PATJ: variants seen among roughly 807,000 people sequenced by gnomAD.
PATJ encodes the protein inaD-like protein.
PATJ carries 190 observed loss-of-function variants against 224.9 expected under a neutral mutation model. The ratio of observed to expected loss-of-function variants is 0.84; its 90% confidence interval spans 0.75 to 0.95. The LOEUF is 0.95. PATJ is among the 40% of genes least tolerant of loss of function. The probability of loss-of-function intolerance (pLI) is 0.00; values close to 1 mark genes in which losing one functional copy is unlikely to be tolerated. For synonymous variants in PATJ, 769 were observed against 820.3 expected (o/e 0.94, Z 1.07); for missense variants, 2,121 against 2,270.3 (o/e 0.93, Z 1.34).
At chr1:62,036,908 AGGG>A (rs1650528008) in intron 29 of PATJ, among the ~76,000 whole-genome samples, 1 of 143,070 alleles carries the variant, frequency 7.0e-6, no homozygotes, top group Non-Finnish European at 1.5e-5. Context: ...GAAGGGAGGG[AGGG>A]AGGAAGGGAG....
rs1667222986 is a variant in PATJ at position 61,875,455 on chromosome 1, A to G, written c.2959+89A>G. The G allele has an allele frequency of 5.0e-6, 5 of 998,720 alleles. No homozygotes were observed. The Admixed American group carries it at 1.0e-4, about 20-fold the overall frequency. 61.9% of individuals were successfully genotyped at this position (998,720 alleles called of 1,614,324 possible). On this transcript the variant is annotated intron_variant, in intron 21 of 43. Transcript: ENST00000642238. ...TTGTATACATGAATTTCACCGTCAT[A>G]TTTTTATTCATTATGATGCTTTGAA...
At chr1:61,899,131 C>T (rs879567664) in intron 22 of PATJ, among the ~76,000 whole-genome samples, 13 of 151,946 alleles carry the variant, frequency 8.6e-5, no homozygotes, top group African/African-American at 2.2e-4. Flanking sequence ...ATACAAATGA[C>T]GGGGAAATAC....
chr1:62,024,148 C>T (rs1395176529), intron 29 of PATJ, among the ~76,000 whole-genome samples: 1 of 151,994 alleles, frequency 6.6e-6, no homozygotes, highest in Non-Finnish European at 1.5e-5. Context: ...GGGATACTGG[C>T]CTGAAGTTTT....
intron 27 of PATJ, among the ~76,000 whole-genome samples, chr1:61,929,592 C>T (rs1347899427): frequency 6.6e-6 from 1 of 152,132 alleles, no homozygotes; most frequent in African/African-American, 2.4e-5. Flanking sequence ...AATGAAAGCT[C>T]AGAGAAATTA....
At chr1:62,046,178 G>T (rs944683625) in intron 30 of PATJ, among the ~76,000 whole-genome samples, 2 of 142,046 alleles carry the variant, frequency 1.4e-5, no homozygotes, top group African/African-American at 5.2e-5. Context: ...CTCCAGCTTG[G>T]GTGACAGAGT....
chr1:61,875,317 T>C lies in PATJ; in HGVS notation c.2910T>C (p.Phe970=), dbSNP rs1469079085. 1 of 1,612,226 alleles carries C rather than the reference T, an allele frequency of 6.2e-7. No individual in the cohort carries two copies. The stretch of plus-strand genomic sequence containing the variant: ...AAGGAAACAGTCAACAAGGCAGATT[T>C]GACGACCTGGAAAATCTTAATTCAT... ...STEGNSQQGR[F]DDLENLNSLA... is the part of the protein sequence containing the mutation. Residue 970 remains phenylalanine (F), a synonymous_variant, in exon 21 of 44, where the codon TTT becomes TTC. Coordinates refer to ENST00000642238, the MANE Select transcript of PATJ (RefSeq NM_001350145.3).
At chr1:61,850,433 G>T (rs1662633645) in intron 17 of PATJ, among the ~76,000 whole-genome samples, 1 of 152,152 alleles carries the variant, frequency 6.6e-6, no homozygotes, top group Non-Finnish European at 1.5e-5. Flanking sequence ...TTGAAATTTG[G>T]CAAACAAATG....
At chr1:61,874,803 G>T (rs372796618) in intron 20 of PATJ, among the ~76,000 whole-genome samples, 1 of 152,360 alleles carries the variant, frequency 6.6e-6, no homozygotes, top group African/African-American at 2.4e-5. Flanking sequence ...TCACCAGGCA[G>T]ATAAGAGTGC....
At chr1:62,084,717 G>A (rs1004965250) in intron 33 of PATJ, 69 bp downstream of exon 33, 34 of 1,500,662 alleles carry the variant, frequency 2.3e-5, no homozygotes, top group Admixed American at 3.7e-5. Context: ...TTGGCCCTGC[G>A]CCACAACTCT....
chr1:61,816,563 A>G (rs1656148523), intron 14 of PATJ: 1 of 152,212 alleles, frequency 6.6e-6, no homozygotes. Context: ...AAAAGGAAAC[A>G]AATCAAGGGT....
chr1:61,742,789 G>C (rs1163011901), intron 1 of PATJ, among the ~76,000 whole-genome samples: 1 of 150,300 alleles, frequency 6.7e-6, no homozygotes, highest in Non-Finnish European at 1.5e-5. Flanking sequence ...GCGCTGACCC[G>C]GGAGGCGGGG....
intron 27 of PATJ, among the ~76,000 whole-genome samples, chr1:61,948,907 A>C (rs1557926221): frequency 6.6e-6 from 1 of 152,114 alleles, no homozygotes; most frequent in Non-Finnish European, 1.5e-5. Flanking sequence ...AGTTCATGTC[A>C]TTTGTAGGGA....
intron 1 of PATJ, among the ~76,000 whole-genome samples, chr1:61,760,690 C>CACTG (rs1645918314): frequency 6.8e-6 from 1 of 148,072 alleles, no homozygotes; most frequent in African/African-American, 2.5e-5. Flanking sequence ...GAGCTCAGCT[C>CACTG]ACTGCAACCT....
At chr1:61,778,709 T>TAGAG (rs1221234604) in intron 7 of PATJ, among the ~76,000 whole-genome samples, 165 of 148,540 alleles carry the variant, frequency 1.1e-3, no homozygotes, top group Middle Eastern at 3.5e-3. Context: ...TATATATATA[T>TAGAG]ATAGAGAGAG....
chr1:61,865,078 T>A (rs1186266171), intron 20 of PATJ, among the ~76,000 whole-genome samples: 1 of 152,178 alleles, frequency 6.6e-6, no homozygotes, highest in African/African-American at 2.4e-5. Flanking sequence ...CTCTGTGTTA[T>A]GTATGATGCT....
At chr1:61,909,638 A>T (rs1324132290) in intron 25 of PATJ, among the ~76,000 whole-genome samples, 2 of 152,088 alleles carry the variant, frequency 1.3e-5, no homozygotes, top group African/African-American at 4.8e-5. Context: ...ACACCTGGTG[A>T]ATTTTTTTTT....
chr1:61,913,568 A>G (rs1673006122), intron 25 of PATJ, among the ~76,000 whole-genome samples: 1 of 152,208 alleles, frequency 6.6e-6, no homozygotes, highest in Admixed American at 6.5e-5. Context: ...TATCTGTGCT[A>G]GCTCTTTGAG....
At chr1:62,063,019 C>T (rs543907687) in intron 31 of PATJ, among the ~76,000 whole-genome samples, 1 of 152,248 alleles carries the variant, frequency 6.6e-6, no homozygotes, top group Admixed American at 6.5e-5. Flanking sequence ...TATTAGGTCC[C>T]ACTTGTCAAT....
chr1:61,977,635 C>A (rs531720678), intron 27 of PATJ, among the ~76,000 whole-genome samples: 4 of 151,894 alleles, frequency 2.6e-5, no homozygotes, highest in Non-Finnish European at 5.9e-5. Context: ...AAGACTTTTT[C>A]TCCCAGATTC....
Sources: gnomAD v4.1 joint callset for allele counts (sites outside exome capture counted in the v4.1 genomes callset) on GRCh38, gnomAD v4.1.1 for gene constraint, MANE v1.5 for transcripts, NCBI Gene and HGNC (gene_info 2026-07-23, HGNC 2026-07-21) for gene names.